The following KLHL42 variants were observed in gnomAD, a reference collection of about 807,000 sequenced individuals.
KLHL42 encodes kelch like family member 42.
A neutral mutation model predicts 32.7 loss-of-function variants in KLHL42; 27 were observed. The ratio of observed to expected loss-of-function variants is 0.83; its 90% CI spans 0.61 to 1.14. The LOEUF (loss-of-function observed/expected upper bound fraction) is 1.14, where lower values mean the gene tolerates loss of function less well. Among genes scored for constraint, KLHL42 ranks in the 50% most tolerant of loss-of-function variants. KLHL42 has a pLI of 0.00. For missense variants in KLHL42, 491 were observed against 560.8 expected (o/e 0.88, Z 1.26); for synonymous variants, 267 against 248.2 (o/e 1.08, Z -0.71).
chr12:27,789,614 T>A (rs1251693412), intron 1 of KLHL42, among the ~76,000 whole-genome samples: 1 of 152,216 alleles, frequency 6.6e-6, no homozygotes, highest in Non-Finnish European at 1.5e-5. Context: ...TCTGTGTACC[T>A]TTGGGGAGCA....
chr12:27,796,896 C>A (rs912305485), intron 2 of KLHL42, among the ~76,000 whole-genome samples: 3 of 152,040 alleles, frequency 2.0e-5, no homozygotes, highest in Non-Finnish European at 4.4e-5. Context: ...TTCAGCCCAC[C>A]CAAAGAGTTG....
At chr12:27,785,428 T>TG (rs749351394) in intron 1 of KLHL42, among the ~76,000 whole-genome samples, 11 of 152,144 alleles carry the variant, frequency 7.2e-5, no homozygotes, top group Non-Finnish European at 1.5e-4. Context: ...AGGCTGGTCT[T>TG]GAACTCCTGG....
Position 27,797,762 on chromosome 12 carries a change from A to T in KLHL42, c.1114A>T (p.Thr372Ser). The change falls in exon 3 of 3, where the codon ACG (threonine) becomes TCG (serine). Residue 372 changes from threonine to serine, a missense_variant. Thr to Ser is a moderately conservative substitution (Grantham distance 58, BLOSUM62 1). This residue lies in a region of KLHL42 where 152 missense variants were observed against 125.9 expected (regional missense o/e 1.21). Transcript: ENST00000381271. ...GTACTGCCCCTCTTCCGACATGTGG[A>T]CGCTCTTTGAAACATGTGACGTCCA... ...LQYCPSSDMW[T>S]LFETCDVHIR... 1.4e-6 allele frequency: 1 copy of T among 731,142 alleles called. No individual in the cohort carries two copies. The highest frequency in any genetic ancestry group is 2.6e-6 in the Non-Finnish European group (1 of 391,634). The allele number at this position is 731,142 out of a possible 1,614,324, so 45.3% of individuals were successfully genotyped here.
In KLHL42 at chr12:27,798,429, T is replaced by G; in HGVS notation, c.*263T>G. On this transcript the variant is annotated 3_prime_UTR_variant, in exon 3 of 3. Transcript: ENST00000381271. ...TCCAAACATGATACTCTTGGGCCAA[T>G]GACGGATCATCAAAATGTAGATTCA... is the stretch of plus-strand genomic sequence containing the variant. The G allele has an allele frequency of 2.5e-6, 1 of 399,736 alleles. No individual in the cohort carries two copies. The allele number at this position is 399,736 out of a possible 1,614,324, so 24.8% of individuals were successfully genotyped here.
At chr12:27,783,472 C>T (rs995718624) in intron 1 of KLHL42, among the ~76,000 whole-genome samples, 1 of 152,154 alleles carries the variant, frequency 6.6e-6, no homozygotes, top group African/African-American at 2.4e-5. Flanking sequence ...TTTAAAAATT[C>T]TGAAATTGTC....
chr12:27,786,961 G>A (rs1318377567), intron 1 of KLHL42, among the ~76,000 whole-genome samples: 6 of 151,548 alleles, frequency 4.0e-5, no homozygotes, highest in Non-Finnish European at 8.8e-5. Flanking sequence ...TCCTGACCTC[G>A]TGATCTGCCT....
chr12:27,785,013 T>G (rs994876736), intron 1 of KLHL42, among the ~76,000 whole-genome samples: 3 of 152,198 alleles, frequency 2.0e-5, no homozygotes, highest in African/African-American at 4.8e-5. Context: ...TGTTATTTTT[T>G]CTGCAGTGTT....
At chr12:27,791,318 C>A (rs1191521091) in intron 1 of KLHL42, among the ~76,000 whole-genome samples, 1 of 152,130 alleles carries the variant, frequency 6.6e-6, no homozygotes, top group African/African-American at 2.4e-5. Context: ...GAATGAAATA[C>A]CCATTCTGAG....
chr12:27,784,431 C>T (rs1383246739), intron 1 of KLHL42, among the ~76,000 whole-genome samples: 1 of 151,924 alleles, frequency 6.6e-6, no homozygotes, highest in African/African-American at 2.4e-5. Flanking sequence ...TGAGCCACCG[C>T]GCCCAGCTGT....
At chr12:27,791,230 T>C (rs1362685085) in intron 1 of KLHL42, among the ~76,000 whole-genome samples, 2 of 152,154 alleles carry the variant, frequency 1.3e-5, no homozygotes, top group Non-Finnish European at 2.9e-5. Context: ...ACCTACCCTT[T>C]AGCAGTCACT....
chr12:27,789,822 C>T (rs2062188510), intron 1 of KLHL42, among the ~76,000 whole-genome samples: 1 of 144,114 alleles, frequency 6.9e-6, no homozygotes, highest in South Asian at 2.1e-4. Flanking sequence ...AGTGGGCTGG[C>T]TGGCTGGCTG....
chr12:27,787,463 C>T (rs1441566066), intron 1 of KLHL42, among the ~76,000 whole-genome samples: 1 of 148,802 alleles, frequency 6.7e-6, no homozygotes, highest in East Asian at 2.0e-4. Context: ...CCACTGCACT[C>T]CAGCCTGGGC....
chr12:27,793,608 G>C (rs981055243), intron 2 of KLHL42, among the ~76,000 whole-genome samples: 1 of 151,930 alleles, frequency 6.6e-6, no homozygotes, highest in Non-Finnish European at 1.5e-5. Context: ...GACAATGGGG[G>C]ACAGTCAAGC....
In KLHL42 at chr12:27,802,263, C is replaced by T. The variant is rs796626877; in HGVS notation, c.*4097C>T. 5 of 152,274 alleles carry T rather than the reference C, an allele frequency of 3.3e-5. No homozygotes were observed. Among genetic ancestry groups the T allele is most frequent in the African/African-American group, 1.2e-4 (5 of 41,544 alleles). The allele number at this position is 152,274 out of a possible 1,614,324, so 9.4% of individuals were successfully genotyped here. ...ACTGCAGACTTTGGAGTTAGGGATT[C>T]AGCAGCTTGTTCCAGTGAAAAGGAG... On this transcript the variant is annotated 3_prime_UTR_variant, in exon 3 of 3. Transcript: ENST00000381271.
In KLHL42 at chr12:27,780,314, C is replaced by G; in HGVS notation, c.-17C>G. 1.3e-6 allele frequency: 2 copies of G among 1,545,610 alleles called. No individual in the cohort carries two copies. Among genetic ancestry groups the G allele is most frequent in the Non-Finnish European group, 8.7e-7 (1 of 1,150,428 alleles). Reference sequence around the variant, plus strand: ...GCAGATCTGGCGGTGAGCGCTGCCGCCCCGGGGCCCCCAGCCATGTCGGCC... The same window carrying G: ...GCAGATCTGGCGGTGAGCGCTGCCGGCCCGGGGCCCCCAGCCATGTCGGCC... On this transcript the variant is annotated 5_prime_UTR_variant, in exon 1 of 3. Coordinates refer to ENST00000381271, the MANE Select transcript of KLHL42 (RefSeq NM_020782.2). The surrounding 1 kb of genome is among the most constrained non-coding windows in gnomAD (Gnocchi z 8.8).
intron 1 of KLHL42, among the ~76,000 whole-genome samples, chr12:27,783,940 G>A (rs1483830635): frequency 2.0e-5 from 3 of 152,060 alleles, no homozygotes; most frequent in Non-Finnish European, 4.4e-5. Context: ...GTACCATAAT[G>A]TAATTAGCCC....
At chr12:27,786,523 A>G (rs969819794) in intron 1 of KLHL42, among the ~76,000 whole-genome samples, 2 of 152,288 alleles carry the variant, frequency 1.3e-5, no homozygotes, top group Non-Finnish European at 2.9e-5. Flanking sequence ...AACCTTGAGA[A>G]AGAAAACCAG....
rs1184751174 is a variant in KLHL42 at position 27,780,381 on chromosome 12, G to A, written c.51G>A (p.Pro17=). The A allele has an allele frequency of 5.1e-6, 8 of 1,582,272 alleles. No homozygotes were observed. The African/African-American group carries it at 1.1e-4, about 22-fold the overall frequency. The part of the protein sequence containing the change: ...VQIRLEDRCY[P]VSKRKLIEQS... ...TCCGCCTGGAGGACCGCTGCTACCCGGTGAGCAAGAGGAAGCTCATCGAGC... is the reference window on the plus strand; with the variant it reads ...TCCGCCTGGAGGACCGCTGCTACCCAGTGAGCAAGAGGAAGCTCATCGAGC... Residue 17 remains proline (P), a synonymous_variant, in exon 1 of 3, where the codon CCG becomes CCA. Transcript: ENST00000381271. The surrounding 1 kb of genome is among the most constrained non-coding windows in gnomAD (Gnocchi z 8.8).
chr12:27,800,529 T>C lies in KLHL42; in HGVS notation c.*2363T>C, dbSNP rs75407915. ...TTCCTGCTGTGCACATCAGCTGTGA[T>C]GACATTTTGAGGGTAGTTTTAATTT... On this transcript the variant is annotated 3_prime_UTR_variant, in exon 3 of 3. Coordinates refer to ENST00000381271, the MANE Select transcript of KLHL42 (RefSeq NM_020782.2). 4.8e-4 allele frequency: 128 copies of C among 266,460 alleles called. No homozygotes were observed. In the East Asian group the frequency reaches 0.019, roughly 40 times the overall value. The allele number at this position is 266,460 out of a possible 1,614,324, so 16.5% of individuals were successfully genotyped here.
Sources: allele counts gnomAD v4.1 joint callset (sites outside exome capture counted in the v4.1 genomes callset), GRCh38; gene constraint gnomAD v4.1.1; regional missense constraint gnomAD v4.1.1; non-coding constraint Gnocchi (gnomAD v3.1); transcripts MANE v1.5; gene names NCBI Gene and HGNC (gene_info 2026-07-23, HGNC 2026-07-21).